TPTE2: variants seen among roughly 807,000 people sequenced by gnomAD.
TPTE2 encodes the protein transmembrane phosphoinositide 3-phosphatase and tensin homolog 2.
In TPTE2, 53 loss-of-function variants were observed where a neutral mutation model predicts 78.6. The observed-to-expected ratio is 0.67, with a 90% CI of 0.54 to 0.85. The LOEUF is 0.85. Ranked by LOEUF, TPTE2 falls within the 40% of genes least tolerant of loss-of-function variation. The pLI, the probability that TPTE2 is intolerant of heterozygous loss-of-function variation, is 0.00. For missense variants in TPTE2, 461 were observed against 623.0 expected, an observed-to-expected ratio of 0.74 and a Z score of 2.77; for synonymous variants, 175 against 206.2, an observed-to-expected ratio of 0.85 and a Z score of 1.30.
At chr13:19,440,854 G>C (rs1435868402) in intron 13 of TPTE2, among the ~76,000 whole-genome samples, 1 of 151,718 alleles carries the variant, frequency 6.6e-6, no homozygotes, top group East Asian at 1.9e-4. Context: ...TGGGAGGCTG[G>C]GGTGGGTGGA....
At chr13:19,560,796 T>G in the TPTE2 span, 1 of 1,484,110 alleles carries the variant, frequency 6.7e-7, no homozygotes, top group Non-Finnish European at 9.2e-7. Flanking sequence ...CTGGCACCGC[T>G]TGTACTCCCG....
chr13:19,552,453 A>G, the TPTE2 span: 1 of 452,984 alleles, frequency 2.2e-6, no homozygotes, highest in South Asian at 5.6e-5. Context: ...TTAGGACACC[A>G]TGGAGATATC....
rs370850516 is a variant in TPTE2 at position 19,435,299 on chromosome 13, A to T, written c.1116+927T>A. Among the ~76,000 whole-genome samples the T allele has an allele frequency of 4.4e-4, 67 of 152,340 alleles. 1 individual carries two copies. The South Asian group carries it at 0.014, about 31-fold the overall frequency. ...TATAATATTGTTAGATATGATAAAA[A>T]GTGTTAAGGTTTTTTGTTGTTGTTT... On this transcript the variant is annotated intron_variant, in intron 15 of 19. Coordinates refer to ENST00000400230, the Ensembl canonical transcript of TPTE2.
intron 13 of TPTE2, among the ~76,000 whole-genome samples, chr13:19,441,452 AAAGT>A (rs755059393): frequency 3.8e-4 from 58 of 152,352 alleles, no homozygotes; most frequent in Non-Finnish European, 7.2e-4. Context: ...AAAAGAAAAA[AAAGT>A]ATTTTGCCCA....
intron 14 of TPTE2, among the ~76,000 whole-genome samples, chr13:19,437,369 A>C (rs1405632380): frequency 6.6e-6 from 1 of 152,228 alleles, no homozygotes. Flanking sequence ...AGAAAATGGC[A>C]GAAAGAAAAA....
At chr13:19,542,756 G>T in the TPTE2 span, among the ~76,000 whole-genome samples, 559 of 152,212 alleles carry the variant, frequency 3.7e-3, 1 homozygote, top group Admixed American at 8.0e-3. Flanking sequence ...ACACTTTGGG[G>T]GTCTGAGCAG....
At chr13:19,429,835 A>C (rs926493341) in intron 17 of TPTE2, among the ~76,000 whole-genome samples, 1 of 152,200 alleles carries the variant, frequency 6.6e-6, no homozygotes, top group Non-Finnish European at 1.5e-5. Context: ...AGTTTTAGGC[A>C]TTTCTTCATT....
chr13:19,517,724 A>AC (rs1433099863), intron 1 of TPTE2, among the ~76,000 whole-genome samples: 2 of 152,146 alleles, frequency 1.3e-5, no homozygotes, highest in African/African-American at 4.8e-5. Flanking sequence ...GCAACCCCAA[A>AC]CAGAATCCTG....
exon 11 of TPTE2, chr13:19,451,190 G>A: frequency 1.2e-6 from 2 of 1,613,456 alleles, no homozygotes; most frequent in Non-Finnish European, 1.7e-6. Context: ...CTCGATAGTG[G>A]TTTCGATGTT....
rs560075210 is a variant in TPTE2, at chr13:19,452,752, T to C, written c.742-1527A>G. Among the ~76,000 whole-genome samples, 28 of 152,114 alleles carry C rather than the reference T, an allele frequency of 1.8e-4. No homozygotes were observed. In the South Asian group the frequency reaches 5.6e-3, roughly 30 times the overall value. On this transcript the variant is annotated intron_variant, in intron 10 of 19. Coordinates refer to ENST00000400230, the Ensembl canonical transcript of TPTE2. ...TTGCTCTCGGAATTGGCAATATATATTAAGAACCCTAAAAATATTCATACT... is the reference window on the plus strand; with the variant it reads ...TTGCTCTCGGAATTGGCAATATATACTAAGAACCCTAAAAATATTCATACT...
At chr13:19,465,318 C>G (rs1879195346) in exon 9 of TPTE2, 1 of 1,613,728 alleles carries the variant, frequency 6.2e-7, no homozygotes, top group Non-Finnish European at 8.5e-7. Flanking sequence ...TTTTCTGAAA[C>G]CTGAGAGTTT....
the TPTE2 span, among the ~76,000 whole-genome samples, chr13:19,555,384 T>C: frequency 5.3e-5 from 8 of 152,194 alleles, no homozygotes; most frequent in African/African-American, 1.9e-4. Flanking sequence ...ATCGGTCAAT[T>C]AAAAAAAATT....
At chr13:19,437,038 G>GACAC (rs376691875) in intron 14 of TPTE2, among the ~76,000 whole-genome samples, 6,141 of 145,914 alleles carry the variant, frequency 0.042, 343 homozygotes, top group African/African-American at 0.13. Flanking sequence ...AAACCTAGGA[G>GACAC]ACACACACAC....
chr13:19,435,362 T>A (rs555576442), intron 15 of TPTE2, among the ~76,000 whole-genome samples: 1 of 152,224 alleles, frequency 6.6e-6, no homozygotes. Flanking sequence ...TGCTGTGGGA[T>A]AAAATGATCT....
the TPTE2 span, among the ~76,000 whole-genome samples, chr13:19,551,309 G>GC: frequency 6.6e-6 from 1 of 152,128 alleles, no homozygotes; most frequent in Non-Finnish European, 1.5e-5. Flanking sequence ...GAATATACAG[G>GC]CCGGGTATGG....
rs1214806155 is a variant in TPTE2, at chr13:19,486,825, T to C, written c.120-4278A>G. Among the ~76,000 whole-genome samples the C allele has an allele frequency of 6.6e-6, 1 of 152,186 alleles. No homozygotes were observed. Among genetic ancestry groups the C allele is most frequent in the Non-Finnish European group, 1.5e-5 (1 of 68,038 alleles). The stretch of plus-strand genomic sequence containing the variant: ...ATGTGTTTCTGCTGGGGGTAGTCCA[T>C]AGAGCTATTCTAGCTCAGGATGTGG... On this transcript the variant is annotated intron_variant, in intron 3 of 19. Coordinates refer to ENST00000400230, the Ensembl canonical transcript of TPTE2. This position sits in a 1 kb window ranked among gnomAD's most constrained non-coding sequence, Gnocchi z 4.3.
upstream of TPTE2, among the ~76,000 whole-genome samples, chr13:19,504,819 T>C (rs1868887374): frequency 6.6e-6 from 1 of 152,094 alleles, no homozygotes; most frequent in African/African-American, 2.4e-5. Flanking sequence ...CATCCCTCTT[T>C]CTGTTGTTTC....
At chr13:19,425,070 C>T (rs1045775566) in intron 18 of TPTE2, 53 bp from the exon 22 acceptor site, 1 of 903,930 alleles carries the variant, frequency 1.1e-6, no homozygotes, top group South Asian at 1.6e-5. Context: ...CTAATCATTC[C>T]AAAGAAATTA....
At chr13:19,547,748 G>T in the TPTE2 span, among the ~76,000 whole-genome samples, 2 of 54,518 alleles carry the variant, frequency 3.7e-5, no homozygotes, top group Non-Finnish European at 1.0e-4. Context: ...TATGCATACT[G>T]CAGGACAATA....
Sources: allele counts gnomAD v4.1 joint callset (sites outside exome capture counted in the v4.1 genomes callset), GRCh38; gene constraint gnomAD v4.1.1; non-coding constraint Gnocchi (gnomAD v3.1); transcripts MANE v1.5; gene names NCBI Gene and HGNC (gene_info 2026-07-23, HGNC 2026-07-21).